COL27A1: variants seen among roughly 807,000 people sequenced by gnomAD.
The protein encoded by COL27A1 is collagen alpha-1(XXVII) chain.
A neutral mutation model predicts 251.3 loss-of-function variants in COL27A1; 106 were observed. The observed-to-expected ratio is 0.42, with a 90% CI of 0.36 to 0.50. COL27A1 has a LOEUF of 0.50. Among genes scored for constraint, COL27A1 ranks in the 20% least tolerant of loss-of-function variants. The pLI is 0.00. For missense variants in COL27A1, 2,325 were observed against 2,522.8 expected (o/e 0.92, Z 1.68); for synonymous variants, 1,000 against 986.3 (o/e 1.01, Z -0.26).
chr9:114,217,010 C>T (rs1241254520), intron 12 of COL27A1, among the ~76,000 whole-genome samples: 1 of 152,210 alleles, frequency 6.6e-6, no homozygotes, highest in South Asian at 2.1e-4. Context: ...TATGCCAGGG[C>T]TGTGTGACTT....
intron 7 of COL27A1, among the ~76,000 whole-genome samples, chr9:114,197,918 C>G (rs557723581): frequency 3.3e-5 from 5 of 152,192 alleles, no homozygotes; most frequent in Non-Finnish European, 7.3e-5. Context: ...AGACCCCTGA[C>G]CAGTGGTGGG....
In COL27A1 at chr9:114,169,244, CAGG is replaced by C. The variant is rs1849136226; in HGVS notation, c.1690_1692del (p.Arg564del). The stretch of plus-strand genomic sequence containing the variant: ...TCCCCCTCAGACCTGGGAAGGCAGC[CAGG>C]GATGTCCCCTTGAGCGATCTGACAA... On this transcript the variant is annotated inframe_deletion, in exon 3 of 61. Transcript: ENST00000356083. 1 of 1,613,536 alleles carries C rather than the reference CAGG, an allele frequency of 6.2e-7. No individual in the cohort carries two copies. The highest frequency in any genetic ancestry group is 1.3e-5 in the African/African-American group (1 of 74,906).
chr9:114,199,457 CTG>C (rs1265711186), intron 7 of COL27A1, among the ~76,000 whole-genome samples: 1 of 151,918 alleles, frequency 6.6e-6, no homozygotes, highest in East Asian at 1.9e-4. Flanking sequence ...CTGGCCCCCG[CTG>C]TGTAGAAACC....
intron 7 of COL27A1, among the ~76,000 whole-genome samples, chr9:114,204,273 T>G (rs1285432591): frequency 6.6e-6 from 1 of 151,990 alleles, no homozygotes; most frequent in Non-Finnish European, 1.5e-5. Context: ...CGTAAGAGGG[T>G]CTAACATGGA....
In COL27A1 at chr9:114,162,683, TGCC is replaced by T. The variant is rs781246361; in HGVS notation, c.63-28_63-26del. ...TCCGGGTGTGAGGGGTGGAAGCTGA[TGCC>T]GCCTCTGCTTGTGTCTCCTGGTCTC... is the stretch of plus-strand genomic sequence containing the variant. On this transcript the variant is annotated intron_variant, in intron 1 of 60. Coordinates refer to ENST00000356083, the MANE Select transcript of COL27A1 (RefSeq NM_032888.4). 4 of 1,545,378 alleles carry T rather than the reference TGCC, an allele frequency of 2.6e-6. No individual in the cohort carries two copies. In the South Asian group the frequency reaches 4.5e-5, roughly 17 times the overall value.
chr9:114,182,421 C>T (rs1012536689), intron 4 of COL27A1, among the ~76,000 whole-genome samples: 4 of 151,080 alleles, frequency 2.6e-5, no homozygotes, highest in Non-Finnish European at 5.9e-5. Flanking sequence ...TAGAGGGTTC[C>T]CCGGAGGAGA....
intron 7 of COL27A1, among the ~76,000 whole-genome samples, chr9:114,197,331 C>A (rs1829214862): frequency 6.6e-6 from 1 of 152,192 alleles, no homozygotes; most frequent in Non-Finnish European, 1.5e-5. Flanking sequence ...TTCCCCCATT[C>A]CCTTCTCCAT....
At position 114,301,056 on chromosome 9, in the gene COL27A1, T is replaced by C. The variant is rs777733948; in HGVS notation, c.4702-16T>C. On this transcript the variant is annotated splice_polypyrimidine_tract_variant and intron_variant, in intron 51 of 60. Coordinates refer to ENST00000356083, the MANE Select transcript of COL27A1 (RefSeq NM_032888.4). ...GCCCTGGAACAAGGACACATGAGCCTTTCTGTCTCCTTTAGGGAAAGGAAG... is the reference window on the plus strand; with the variant it reads ...GCCCTGGAACAAGGACACATGAGCCCTTCTGTCTCCTTTAGGGAAAGGAAG... 5 of 1,596,476 alleles carry C rather than the reference T, an allele frequency of 3.1e-6. No homozygotes were observed. Among genetic ancestry groups the C allele is most frequent in the Non-Finnish European group, 4.3e-6 (5 of 1,171,284 alleles).
Position 114,242,229 on chromosome 9 carries a change from G to C in COL27A1, c.2878G>C (p.Glu960Gln). 4 of 1,610,800 alleles carry C rather than the reference G, an allele frequency of 2.5e-6. No homozygotes were observed. The highest frequency in any genetic ancestry group is 3.4e-6 in the Non-Finnish European group (4 of 1,178,830). The change falls in exon 22 of 61, where the codon GAG becomes CAG. Residue 960 changes from glutamate (E) to glutamine (Q), a missense_variant and splice_region_variant. Glu to Gln is a conservative substitution (Grantham distance 29). Around this residue, in one of 4 missense-constraint regions of COL27A1, gnomAD observed 662 missense variants for 795.3 expected, o/e 0.83. Coordinates refer to ENST00000356083, the MANE Select transcript of COL27A1 (RefSeq NM_032888.4). ...PMGPPGAPGL[E>Q]GQPGRKGFPG... ...GGGGCCGCCAGGGGCCCCTGGCTTG[G>C]AGGTGAGTGTCACTGGCCTGGGGTA...
rs760386911 is a variant in COL27A1 at position 114,238,655 on chromosome 9, T to A, written c.2727+940T>A. Reference sequence around the variant, plus strand: ...CTTTGGCCATGACACAGTCCTATCTTTAGACAAATGGACTTGGCCTCTCCT... The same window carrying A: ...CTTTGGCCATGACACAGTCCTATCTATAGACAAATGGACTTGGCCTCTCCT... On this transcript the variant is annotated intron_variant, in intron 19 of 60. Coordinates refer to ENST00000356083, the MANE Select transcript of COL27A1 (RefSeq NM_032888.4). Among the ~76,000 whole-genome samples, 53 of 152,200 alleles carry A rather than the reference T, an allele frequency of 3.5e-4. 2 individuals are homozygous for A. The highest frequency in any genetic ancestry group is 4.6e-4 in the Admixed American group (7 of 15,284).
At chr9:114,188,500 G>A (rs899266201) in intron 5 of COL27A1, among the ~76,000 whole-genome samples, 2 of 152,132 alleles carry the variant, frequency 1.3e-5, no homozygotes, top group South Asian at 2.1e-4. Context: ...GATGATCATA[G>A]TTCATACCTC....
intron 5 of COL27A1, among the ~76,000 whole-genome samples, chr9:114,186,353 G>A (rs760540108): frequency 6.6e-6 from 1 of 152,256 alleles, no homozygotes; most frequent in Non-Finnish European, 1.5e-5. Context: ...AGGGGCAGTT[G>A]TCTGCATGTG....
chr9:114,294,546 T>C (rs1341933529), intron 49 of COL27A1, among the ~76,000 whole-genome samples: 1 of 152,160 alleles, frequency 6.6e-6, no homozygotes, highest in Non-Finnish European at 1.5e-5. Flanking sequence ...CATTTGAAAA[T>C]AAATCAGTAT....
rs771837540 is a variant in COL27A1, at chr9:114,266,635, C to T, written c.3447+17C>T. On this transcript the variant is annotated intron_variant, in intron 33 of 60. Transcript: ENST00000356083. Reference sequence around the variant, plus strand: ...GGACCCAAGGTGAGTGTGAGAGACCCTTATTCGTCCCATGATGCTGCTGGG... The same window carrying T: ...GGACCCAAGGTGAGTGTGAGAGACCTTTATTCGTCCCATGATGCTGCTGGG... The T allele has an allele frequency of 2.8e-5, 45 of 1,610,516 alleles. No individual in the cohort carries two copies. Among genetic ancestry groups the T allele is most frequent in the Non-Finnish European group, 3.7e-5 (44 of 1,176,984 alleles).
intron 19 of COL27A1, among the ~76,000 whole-genome samples, chr9:114,239,228 C>T (rs1357969640): frequency 2.6e-5 from 4 of 152,266 alleles, no homozygotes; most frequent in African/African-American, 9.6e-5. Flanking sequence ...AAGTGAGCAT[C>T]AGGATTTGCT....
intron 5 of COL27A1, among the ~76,000 whole-genome samples, chr9:114,188,105 C>T (rs779271441): frequency 3.9e-5 from 6 of 152,198 alleles, no homozygotes; most frequent in Non-Finnish European, 8.8e-5. Flanking sequence ...AGTACAGCTC[C>T]GTGACTGCTC....
intron 37 of COL27A1, among the ~76,000 whole-genome samples, chr9:114,280,924 C>T (rs1588862202): frequency 6.6e-6 from 1 of 152,206 alleles, no homozygotes; most frequent in East Asian, 1.9e-4. Flanking sequence ...ACATGGCTGG[C>T]CCTGCCTCCA....
chr9:114,270,718 C>T lies in COL27A1; in HGVS notation c.3556-10C>T, dbSNP rs1267241646. ...AACATCTCCTCCTCTTTCTCCATCACCTTTTCCAGGGAGAGCCAGGCCTTG... is the reference window on the plus strand; with the variant it reads ...AACATCTCCTCCTCTTTCTCCATCATCTTTTCCAGGGAGAGCCAGGCCTTG... On this transcript the variant is annotated splice_polypyrimidine_tract_variant and intron_variant, in intron 35 of 60. Coordinates refer to ENST00000356083, the MANE Select transcript of COL27A1 (RefSeq NM_032888.4). 1 of 1,608,674 alleles carries T rather than the reference C, an allele frequency of 6.2e-7. No homozygotes were observed. Among genetic ancestry groups the T allele is most frequent in the African/African-American group, 1.3e-5 (1 of 74,804 alleles).
intron 11 of COL27A1, 22 bp from the exon 12 acceptor site, chr9:114,210,960 C>T (rs1360376653): frequency 6.2e-7 from 1 of 1,613,978 alleles, no homozygotes; most frequent in South Asian, 1.1e-5. Flanking sequence ...GCCCTGACCT[C>T]TCCCCTGTCT....
Sources: gnomAD v4.1 joint callset for allele counts (sites outside exome capture counted in the v4.1 genomes callset) on GRCh38, gnomAD v4.1.1 for gene constraint, gnomAD v4.1.1 regional missense constraint, MANE v1.5 for transcripts, NCBI Gene and HGNC (gene_info 2026-07-23, HGNC 2026-07-21) for gene names.